Variants in PFKFB2 observed in about 807,000 individuals in gnomAD.
PFKFB2 encodes the protein 6-phosphofructo-2-kinase/fructose-2,6-biphosphatase 2, also known as 6-phosphofructo-2-kinase/fructose-2,6-bisphosphatase 2.
Under a neutral mutation model 68.0 loss-of-function variants are expected in PFKFB2, and 53 were observed. The ratio of observed to expected loss-of-function variants is 0.78; its 90% CI spans 0.63 to 0.98. The LOEUF (loss-of-function observed/expected upper bound fraction) is 0.98, where lower values mean the gene tolerates loss of function less well. Ranked by LOEUF, PFKFB2 falls within the 50% of genes least tolerant of loss-of-function variation. PFKFB2 has a pLI of 0.00. For missense variants in PFKFB2, 451 were observed against 642.0 expected, an observed-to-expected ratio of 0.70 and a Z score of 3.22; for synonymous variants, 222 against 227.6, an observed-to-expected ratio of 0.98 and a Z score of 0.22.
At chr1:207,050,973 CG>C, upstream of PFKFB2, 1 of 1,543,870 alleles carries the variant, frequency 6.5e-7, no homozygotes. Flanking sequence ...GAGACGCCGC[CG>C]GGGAAACCAG....
intron 7 of PFKFB2, 33 bp from the exon 8 acceptor site, chr1:207,065,003 T>C (rs1022571907): frequency 1.2e-5 from 20 of 1,610,356 alleles, no homozygotes; most frequent in Admixed American, 3.4e-5. Flanking sequence ...GGCAGACCTC[T>C]GATGAGGCCT....
At position 207,075,830 on chromosome 1, in the gene PFKFB2, G is replaced by T; in HGVS notation, c.*3459G>T. 1.0e-6 allele frequency: 1 copy of T among 983,992 alleles called. No individual in the cohort carries two copies. 61.0% of individuals were successfully genotyped at this position (983,992 alleles called of 1,614,324 possible). On this transcript the variant is annotated 3_prime_UTR_variant, in exon 15 of 15. Coordinates refer to ENST00000367080, the MANE Select transcript of PFKFB2 (RefSeq NM_006212.2). The stretch of plus-strand genomic sequence containing the variant: ...TTATTCTTGCTTCAAGACTATGACA[G>T]ATTTGAAAGAGAATTCTAAAGCAGA...
intron 3 of PFKFB2, among the ~76,000 whole-genome samples, chr1:207,062,353 T>C (rs1417216562): frequency 6.6e-6 from 1 of 152,202 alleles, no homozygotes; most frequent in Admixed American, 6.5e-5. Context: ...ATGGACATCA[T>C]CTTATATAAC....
chr1:207,071,002 C>T (rs540488245), intron 12 of PFKFB2, among the ~76,000 whole-genome samples, 186 bp from the exon 13 acceptor site: 132 of 152,222 alleles, frequency 8.7e-4, no homozygotes, highest in Admixed American at 2.2e-3. Flanking sequence ...GCCTTATTTC[C>T]TTCCTTAGCC....
upstream of PFKFB2, chr1:207,052,751 T>C (rs1682788963): frequency 6.3e-6 from 1 of 157,952 alleles, no homozygotes. Context: ...GAGTGGTTGA[T>C]TTTCTTAGGT....
chr1:207,065,672 A>T (rs886071966), intron 8 of PFKFB2, among the ~76,000 whole-genome samples: 1 of 151,786 alleles, frequency 6.6e-6, no homozygotes, highest in East Asian at 1.9e-4. Context: ...TTTATCATCA[A>T]TTTTTTCTCT....
rs1683557000 is a variant in PFKFB2, at chr1:207,074,233, A to G, written c.*1862A>G. 1 of 985,234 alleles carries G rather than the reference A, an allele frequency of 1.0e-6. No homozygotes were observed. The highest frequency in any genetic ancestry group is 1.7e-5 in the African/African-American group (1 of 57,238). The allele number at this position is 985,234 out of a possible 1,614,324, so 61.0% of individuals were successfully genotyped here. Reference sequence around the variant, plus strand: ...GTTTCTCAGACAAAAGTGTCAGCCTAGGAATTCTGAATTCCTCATAGTCCT... The same window carrying G: ...GTTTCTCAGACAAAAGTGTCAGCCTGGGAATTCTGAATTCCTCATAGTCCT... On this transcript the variant is annotated 3_prime_UTR_variant, in exon 15 of 15. Coordinates refer to ENST00000367080, the MANE Select transcript of PFKFB2 (RefSeq NM_006212.2).
Position 207,076,891 on chromosome 1 carries a change from G to A in PFKFB2, c.*4520G>A, listed in dbSNP as rs1683642858. On this transcript the variant is annotated 3_prime_UTR_variant, in exon 15 of 15. Transcript: ENST00000367080. Reference sequence around the variant, plus strand: ...TCTGATTGTATCCATTGAAGTGTATGTACATTATGGTAATTCTCTGTCTAT... The same window carrying A: ...TCTGATTGTATCCATTGAAGTGTATATACATTATGGTAATTCTCTGTCTAT... 1 of 983,876 alleles carries A rather than the reference G, an allele frequency of 1.0e-6. No homozygotes were observed. Among genetic ancestry groups the A allele is most frequent in the Non-Finnish European group, 1.2e-6 (1 of 828,696 alleles). The allele number at this position is 983,876 out of a possible 1,614,324, so 60.9% of individuals were successfully genotyped here.
chr1:207,080,833 A>C (rs954941981), downstream of PFKFB2: 1 of 152,200 alleles, frequency 6.6e-6, no homozygotes, highest in Non-Finnish European at 1.5e-5. Flanking sequence ...AAAGGAAAAT[A>C]ACGATGTTAA....
chr1:207,076,913 C>G lies in PFKFB2; in HGVS notation c.*4542C>G. ...TATGTACATTATGGTAATTCTCTGT[C>G]TATTAAATGTGTCTAACAAAGGAAG... is the stretch of plus-strand genomic sequence containing the variant. On this transcript the variant is annotated 3_prime_UTR_variant, in exon 15 of 15. Coordinates refer to ENST00000367080, the MANE Select transcript of PFKFB2 (RefSeq NM_006212.2). 1 of 983,208 alleles carries G rather than the reference C, an allele frequency of 1.0e-6. No individual in the cohort carries two copies. The highest frequency in any genetic ancestry group is 1.2e-6 in the Non-Finnish European group (1 of 827,960). 60.9% of individuals were successfully genotyped at this position (983,208 alleles called of 1,614,324 possible). A position where few individuals can be genotyped will look rare whatever the true frequency, so the allele number is the denominator to read the frequency against.
intron 8 of PFKFB2, 33 bp downstream of exon 8, chr1:207,065,193 A>C: frequency 6.2e-7 from 1 of 1,611,304 alleles, no homozygotes; most frequent in South Asian, 1.1e-5. Context: ...GAAGGGCCCA[A>C]GGCAAAGGTC....
chr1:207,041,080 C>T (rs898579450), intron 1 of PFKFB2, among the ~76,000 whole-genome samples: 1 of 151,952 alleles, frequency 6.6e-6, no homozygotes, highest in Non-Finnish European at 1.5e-5. Context: ...AGGCGCCCGC[C>T]ACCACGCCCG....
At chr1:207,048,962 A>G, upstream of PFKFB2, 1 of 1,494,192 alleles carries the variant, frequency 6.7e-7, no homozygotes, top group South Asian at 1.3e-5. Context: ...CTTATTGGAA[A>G]ACCCAGAGCC....
At chr1:207,049,512 G>T (rs918786042), upstream of PFKFB2, 8 of 1,614,038 alleles carry the variant, frequency 5.0e-6, no homozygotes, top group South Asian at 8.8e-5. Context: ...TTTGTGCTAT[G>T]AGGCGTCTCA....
chr1:207,048,969 A>G (rs1215751350), upstream of PFKFB2: 8 of 1,530,860 alleles, frequency 5.2e-6, no homozygotes, highest in Non-Finnish European at 5.3e-6. Flanking sequence ...GAAAACCCAG[A>G]GCCTTCTGGA....
chr1:207,077,537 C>T lies in PFKFB2; in HGVS notation c.*5166C>T. 3 of 985,650 alleles carry T rather than the reference C, an allele frequency of 3.0e-6. No individual in the cohort carries two copies. Among genetic ancestry groups the T allele is most frequent in the Non-Finnish European group, 3.6e-6 (3 of 829,918 alleles). The allele number at this position is 985,650 out of a possible 1,614,324, so 61.1% of individuals were successfully genotyped here. On this transcript the variant is annotated 3_prime_UTR_variant, in exon 15 of 15. Transcript: ENST00000367080. ...CAAAGGGCTGATCATACATGGTGCC[C>T]TTTGGGAAGGGGGATGGTGTGGGGC...
chr1:207,050,665 T>C (rs1401750207), upstream of PFKFB2: 3 of 1,610,738 alleles, frequency 1.9e-6, no homozygotes, highest in Admixed American at 1.7e-5. Context: ...GGACTTTCCC[T>C]GGCCCCAGCC....
intron 9 of PFKFB2, among the ~76,000 whole-genome samples, 176 bp downstream of exon 9, chr1:207,067,882 T>C (rs1385489902): frequency 2.0e-5 from 3 of 152,094 alleles, no homozygotes; most frequent in Non-Finnish European, 4.4e-5. Context: ...TGTTAAAGAG[T>C]AGATAACTTT....
intron 1 of PFKFB2, 120 bp from the exon 2 acceptor site, chr1:207,054,581 A>G: frequency 1.6e-6 from 1 of 620,926 alleles, no homozygotes; most frequent in East Asian, 2.8e-5. Flanking sequence ...ACAGGACTGA[A>G]CCTGCCTCTT....
Sources: allele counts gnomAD v4.1 joint callset (sites outside exome capture counted in the v4.1 genomes callset), GRCh38; gene constraint gnomAD v4.1.1; transcripts MANE v1.5; gene names NCBI Gene and HGNC (gene_info 2026-07-23, HGNC 2026-07-21).